The following NHSL2 variants were observed in gnomAD, a reference collection of about 807,000 sequenced individuals.
NHSL2 encodes the protein NHS-like protein 2.
NHSL2 carries 27 observed loss-of-function variants against 53.4 expected under a neutral mutation model. That is an observed-to-expected ratio of 0.51 (90% CI 0.37 to 0.70). The LOEUF is 0.70. NHSL2 is among the 30% of genes least tolerant of loss of function. The pLI is 0.00. For missense variants in NHSL2, 892 were observed against 980.1 expected (o/e 0.91, Z 1.20); for synonymous variants, 408 against 404.1 (o/e 1.01, Z -0.12).
intron 1 of NHSL2, chrX:72,130,619 C>G (rs2042281729): frequency 8.3e-7 from 1 of 1,210,072 alleles, no homozygotes; most frequent in African/African-American, 1.8e-5. Flanking sequence ...ACTTTTCTTT[C>G]TATCTCCACA....
At chrX:72,067,471 T>C in intron 1 of NHSL2, among the ~76,000 whole-genome samples, 1 of 111,921 alleles carries the variant, frequency 8.9e-6, no homozygotes, top group East Asian at 2.8e-4. Flanking sequence ...CTAGCCTCTC[T>C]GAGCTTAAAG....
At chrX:72,038,665 T>G (rs887908861) in intron 1 of NHSL2, among the ~76,000 whole-genome samples, 9 of 112,545 alleles carry the variant, frequency 8.0e-5, no homozygotes, top group South Asian at 3.7e-4. Flanking sequence ...GTTCTGCAAA[T>G]TTCTCTTTTT....
chrX:72,055,106 A>C (rs1396037944), intron 1 of NHSL2, among the ~76,000 whole-genome samples: 2 of 111,780 alleles, frequency 1.8e-5, no homozygotes, highest in Non-Finnish European at 3.8e-5. Context: ...GAGGCTACCT[A>C]GATGTCACTC....
rs766399316 is a variant in NHSL2 at position 71,956,566 on chromosome X, A to G, written c.280+45199A>G. Among the ~76,000 whole-genome samples, 6 of 111,737 alleles carry G rather than the reference A, an allele frequency of 5.4e-5. No individual in the cohort carries two copies. In the South Asian group the frequency reaches 2.3e-3, roughly 43 times the overall value. ...TTCTAAACAGCAATTTTTAAAAAACATAAAAGAAGTGTAATCTACTTTGCT... is the reference window on the plus strand; with the variant it reads ...TTCTAAACAGCAATTTTTAAAAAACGTAAAAGAAGTGTAATCTACTTTGCT... On this transcript the variant is annotated intron_variant, in intron 1 of 7. Coordinates refer to ENST00000633930, the MANE Select transcript of NHSL2 (RefSeq NM_001013627.3).
intron 1 of NHSL2, among the ~76,000 whole-genome samples, chrX:71,965,063 A>G (rs1183076062): frequency 4.5e-5 from 5 of 111,918 alleles, no homozygotes; most frequent in Non-Finnish European, 9.4e-5. Context: ...CAATTTTTCT[A>G]TGAACCTAAA....
intron 1 of NHSL2, among the ~76,000 whole-genome samples, chrX:72,068,311 G>C (rs1164598833): frequency 8.9e-6 from 1 of 112,356 alleles, no homozygotes; most frequent in Non-Finnish European, 1.9e-5. Context: ...AAGTCAGAAA[G>C]CTCTGCTTTC....
intron 1 of NHSL2, chrX:72,130,523 C>G: frequency 8.3e-7 from 1 of 1,210,984 alleles, no homozygotes; most frequent in Non-Finnish European, 1.1e-6. Context: ...TACTCTTCAT[C>G]TTCACTTTCT....
At position 72,152,859 on chromosome X, in the gene NHSL2, CTG is replaced by C. The variant is rs1240157935; in HGVS notation, c.*9286_*9287del. ...AAATACTACACTTGCCAAAAGCAAA[CTG>C]AGGAATGAGCATTGGCCAGTCCTAG... is the stretch of plus-strand genomic sequence containing the variant. On this transcript the variant is annotated 3_prime_UTR_variant, in exon 8 of 8. Transcript: ENST00000633930. 2 of 112,515 alleles carry C rather than the reference CTG, an allele frequency of 1.8e-5. No homozygotes were observed. Among genetic ancestry groups the C allele is most frequent in the Non-Finnish European group, 3.8e-5 (2 of 53,299 alleles). 9.3% of individuals were successfully genotyped at this position (112,515 alleles called of 1,213,427 possible). A position where few individuals can be genotyped will look rare whatever the true frequency, so the allele number is the denominator to read the frequency against.
chrX:72,083,151 C>T (rs2041807031), intron 1 of NHSL2, among the ~76,000 whole-genome samples: 2 of 111,688 alleles, frequency 1.8e-5, no homozygotes, highest in Non-Finnish European at 3.8e-5. Context: ...TTGCTGGTTC[C>T]CCCCTACAGT....
At chrX:71,929,670 T>C (rs1358756870) in intron 1 of NHSL2, among the ~76,000 whole-genome samples, 1 of 111,704 alleles carries the variant, frequency 9.0e-6, no homozygotes, top group Non-Finnish European at 1.9e-5. Context: ...GAAACTCTAC[T>C]CAAGATTGTA....
intron 1 of NHSL2, among the ~76,000 whole-genome samples, chrX:71,953,923 C>T (rs1288587878): frequency 8.9e-6 from 1 of 112,281 alleles, no homozygotes; most frequent in Non-Finnish European, 1.9e-5. Context: ...CCAGCCTGCA[C>T]CTTCGAGAAA....
chrX:72,136,378 A>T (rs1285410289), intron 4 of NHSL2, among the ~76,000 whole-genome samples: 8 of 112,736 alleles, frequency 7.1e-5, no homozygotes, highest in South Asian at 7.3e-4. Context: ...GAATTAACAG[A>T]TATTTTGAAA....
rs1281873800 is a variant in NHSL2 at position 72,147,576 on chromosome X, T to C, written c.*4002T>C. On this transcript the variant is annotated 3_prime_UTR_variant, in exon 8 of 8. Coordinates refer to ENST00000633930, the MANE Select transcript of NHSL2 (RefSeq NM_001013627.3). ...TGTTAATATCGGAAAACATAGTTGA[T>C]TTCTAAGTAATATGCTCCAGGTGGC... is the stretch of plus-strand genomic sequence containing the variant. 8.9e-6 allele frequency: 1 copy of C among 112,088 alleles called. No homozygotes were observed. Among genetic ancestry groups the C allele is most frequent in the Non-Finnish European group, 1.9e-5 (1 of 53,231 alleles). 9.2% of individuals were successfully genotyped at this position (112,088 alleles called of 1,213,427 possible). A position where few individuals can be genotyped will look rare whatever the true frequency, so the allele number is the denominator to read the frequency against.
chrX:72,142,100 T>C, intron 6 of NHSL2, 132 bp from the exon 7 acceptor site: 2 of 446,205 alleles, frequency 4.5e-6, no homozygotes, highest in Non-Finnish European at 7.6e-6. Context: ...CTCTGCAAAA[T>C]GGAGGTATTA....
intron 6 of NHSL2, chrX:72,141,064 T>TG: frequency 4.6e-6 from 1 of 217,068 alleles, no homozygotes; most frequent in Non-Finnish European, 8.9e-6. Flanking sequence ...ACCCTAGGAC[T>TG]TCAGCATCCC....
intron 1 of NHSL2, among the ~76,000 whole-genome samples, chrX:72,062,625 T>C (rs1183710320): frequency 2.7e-5 from 3 of 112,440 alleles, no homozygotes; most frequent in Non-Finnish European, 5.6e-5. Flanking sequence ...ACTTCATTCA[T>C]GGCCCTGTCC....
intron 1 of NHSL2, among the ~76,000 whole-genome samples, chrX:72,043,917 G>A (rs1253446163): frequency 8.9e-6 from 1 of 111,891 alleles, no homozygotes; most frequent in East Asian, 2.8e-4. Context: ...GAACATGAAG[G>A]TGTGGGTTTG....
intron 1 of NHSL2, among the ~76,000 whole-genome samples, chrX:71,977,799 C>T (rs999099939): frequency 2.7e-5 from 3 of 112,068 alleles, no homozygotes; most frequent in African/African-American, 9.7e-5. Flanking sequence ...TTCCAAAGTG[C>T]TCCAGACACC....
intron 1 of NHSL2, among the ~76,000 whole-genome samples, chrX:72,019,793 C>T (rs756296408): frequency 8.9e-6 from 1 of 112,163 alleles, no homozygotes. Context: ...AAGGATAGGG[C>T]TGGCTCTGTA....
Sources: allele counts gnomAD v4.1 joint callset (sites outside exome capture counted in the v4.1 genomes callset), GRCh38; gene constraint gnomAD v4.1.1; transcripts MANE v1.5; gene names NCBI Gene and HGNC (gene_info 2026-07-23, HGNC 2026-07-21).